Variants in ST6GALNAC3 observed in about 807,000 individuals in gnomAD.
The protein encoded by ST6GALNAC3 is alpha-N-acetylgalactosaminide alpha-2,6-sialyltransferase 3.
A neutral mutation model predicts 32.7 loss-of-function variants in ST6GALNAC3; 25 were observed. The ratio of observed to expected loss-of-function variants is 0.76; its 90% CI spans 0.56 to 1.07. ST6GALNAC3 has a LOEUF of 1.07. ST6GALNAC3 is among the 50% of genes least tolerant of loss of function. The pLI is 0.00. For synonymous variants in ST6GALNAC3, 129 were observed against 133.1 expected, an observed-to-expected ratio of 0.97 and a Z score of 0.21; for missense variants, 355 against 382.4, an observed-to-expected ratio of 0.93 and a Z score of 0.60.
At chr1:76,185,672 A>G (rs1377482344) in intron 1 of ST6GALNAC3, among the ~76,000 whole-genome samples, 2 of 152,152 alleles carry the variant, frequency 1.3e-5, no homozygotes, top group Non-Finnish European at 2.9e-5. Context: ...TGTTCTGTGC[A>G]TATACTGCCA....
intron 2 of ST6GALNAC3, among the ~76,000 whole-genome samples, chr1:76,360,692 T>C (rs1038007345): frequency 6.6e-6 from 1 of 152,230 alleles, no homozygotes; most frequent in African/African-American, 2.4e-5. Context: ...TTGCATGCTC[T>C]GCAGTATATT....
chr1:76,125,231 A>T (rs1649163500), intron 1 of ST6GALNAC3, among the ~76,000 whole-genome samples: 1 of 152,220 alleles, frequency 6.6e-6, no homozygotes, highest in Non-Finnish European at 1.5e-5. Flanking sequence ...GTCAAAGGTC[A>T]GTCAGTTTAA....
At chr1:76,569,450 C>G (rs1665738153) in intron 3 of ST6GALNAC3, among the ~76,000 whole-genome samples, 1 of 152,148 alleles carries the variant, frequency 6.6e-6, no homozygotes, top group Non-Finnish European at 1.5e-5. Flanking sequence ...GTTTGTCCTA[C>G]TGCAAAATTG....
chr1:76,279,036 C>G (rs1659347167), intron 1 of ST6GALNAC3, among the ~76,000 whole-genome samples: 3 of 152,160 alleles, frequency 2.0e-5, no homozygotes, highest in Admixed American at 2.0e-4. Context: ...ACATTTGATA[C>G]AACTTTATCC....
At chr1:76,106,705 A>G (rs1366185738) in intron 1 of ST6GALNAC3, among the ~76,000 whole-genome samples, 1 of 152,224 alleles carries the variant, frequency 6.6e-6, no homozygotes, top group East Asian at 1.9e-4. Flanking sequence ...CATGAGGGAC[A>G]TTAAGTTTTG....
chr1:76,109,802 T>C (rs1308712019), intron 1 of ST6GALNAC3, among the ~76,000 whole-genome samples: 1 of 152,240 alleles, frequency 6.6e-6, no homozygotes, highest in Non-Finnish European at 1.5e-5. Flanking sequence ...TCAGAACTGA[T>C]GAAGAAGGCT....
intron 1 of ST6GALNAC3, among the ~76,000 whole-genome samples, chr1:76,159,011 G>A (rs543184585): frequency 3.9e-5 from 6 of 152,234 alleles, no homozygotes; most frequent in African/African-American, 1.2e-4. Flanking sequence ...TGCCAGGGTC[G>A]TGTGGTTTCC....
At chr1:76,111,516 G>A (rs1647938556) in intron 1 of ST6GALNAC3, among the ~76,000 whole-genome samples, 1 of 151,396 alleles carries the variant, frequency 6.6e-6, no homozygotes, top group African/African-American at 2.4e-5. Context: ...CAGGACAATA[G>A]TGGAGGGAAG....
At chr1:76,169,990 C>A (rs1319632083) in intron 1 of ST6GALNAC3, among the ~76,000 whole-genome samples, 1 of 152,084 alleles carries the variant, frequency 6.6e-6, no homozygotes, top group Non-Finnish European at 1.5e-5. Context: ...TACCTTCAAT[C>A]TTTGAGGTTG....
At chr1:76,370,353 G>A (rs995069817) in intron 2 of ST6GALNAC3, among the ~76,000 whole-genome samples, 6 of 152,116 alleles carry the variant, frequency 3.9e-5, no homozygotes, top group Admixed American at 2.0e-4. Flanking sequence ...TAGAATTAGC[G>A]TAAACAGATA....
rs112602600 is a variant in ST6GALNAC3 at position 76,440,755 on chromosome 1, T to C, written c.623+28338T>C. ...CAATAATTGGGCAAAGAAGGCAAGA[T>C]AAAAAACGGATTTTTCTTCAGGATC... On this transcript the variant is annotated intron_variant, in intron 3 of 4. Transcript: ENST00000328299. 4.9e-3 allele frequency among the ~76,000 whole-genome samples: 746 copies of C among 152,232 alleles called. 10 individuals carry two copies. Among genetic ancestry groups the C allele is most frequent in the African/African-American group, 0.017 (709 of 41,540 alleles).
Position 76,105,128 on chromosome 1 carries a change from T to A in ST6GALNAC3, c.18+30244T>A, listed in dbSNP as rs540132198. ...TCTATCCACCTTACATTTTTATGAT[T>A]AAAAATTCCAAAAATTACAGAAGTG... On this transcript the variant is annotated intron_variant, in intron 1 of 4. Transcript: ENST00000328299. Among the ~76,000 whole-genome samples, 8 of 152,314 alleles carry A rather than the reference T, an allele frequency of 5.3e-5. No individual in the cohort carries two copies. The South Asian group carries it at 1.7e-3, about 32-fold the overall frequency.
At chr1:76,122,834 A>G (rs1301654216) in intron 1 of ST6GALNAC3, among the ~76,000 whole-genome samples, 1 of 152,150 alleles carries the variant, frequency 6.6e-6, no homozygotes, top group Non-Finnish European at 1.5e-5. Context: ...TGTTGTGCAT[A>G]TGCGGCATGC....
intron 3 of ST6GALNAC3, chr1:76,576,951 A>T: frequency 2.0e-5 from 26 of 1,287,264 alleles, no homozygotes; most frequent in Non-Finnish European, 2.6e-5. Context: ...AGAAAGAAAC[A>T]AACAAACAAA....
At chr1:76,449,841 TG>T (rs1286967477) in intron 3 of ST6GALNAC3, among the ~76,000 whole-genome samples, 1 of 152,174 alleles carries the variant, frequency 6.6e-6, no homozygotes, top group Non-Finnish European at 1.5e-5. Context: ...CAATAGGTTT[TG>T]GGGGAACAGG....
rs542979905 is a variant in ST6GALNAC3 at position 76,139,210 on chromosome 1, A to AT, written c.18+64326_18+64327insT. On this transcript the variant is annotated intron_variant, in intron 1 of 4. Coordinates refer to ENST00000328299, the MANE Select transcript of ST6GALNAC3 (RefSeq NM_152996.4). ...CTCCGTCTCAATGGAAAAAAAAAAA[A>AT]AAAATCTATGCACCTACACATACAT... Among the ~76,000 whole-genome samples the AT allele has an allele frequency of 3.6e-4, 53 of 147,776 alleles. 1 individual carries two copies. The highest frequency in any genetic ancestry group is 1.3e-3 in the African/African-American group (50 of 37,344).
rs550532957 is a variant in ST6GALNAC3, at chr1:76,441,102, A to T, written c.623+28685A>T. Among the ~76,000 whole-genome samples the T allele has an allele frequency of 2.8e-4, 43 of 151,754 alleles. 2 individuals are homozygous for T. The South Asian group carries it at 7.1e-3, about 25-fold the overall frequency. ...GACTATGTCTCCAAAAAAAAAAAAAAAAAAAATAAGAGAAAGCAACATAGA... is the reference window on the plus strand; with the variant it reads ...GACTATGTCTCCAAAAAAAAAAAAATAAAAAATAAGAGAAAGCAACATAGA... On this transcript the variant is annotated intron_variant, in intron 3 of 4. Coordinates refer to ENST00000328299, the MANE Select transcript of ST6GALNAC3 (RefSeq NM_152996.4).
rs1026363146 is a variant in ST6GALNAC3, at chr1:76,319,799, T to A, written c.213+5800T>A. ...AATTAACATATAATAAATCAAAACT[T>A]TGTGACTTTTTACCACCCTCCTCAT... is the stretch of plus-strand genomic sequence containing the variant. On this transcript the variant is annotated intron_variant, in intron 2 of 4. Transcript: ENST00000328299. Among the ~76,000 whole-genome samples, 67 of 152,166 alleles carry A rather than the reference T, an allele frequency of 4.4e-4. 1 individual carries two copies. Among genetic ancestry groups the A allele is most frequent in the Admixed American group, 2.2e-3 (33 of 15,266 alleles).
chr1:76,541,305 G>C (rs1663975151), intron 3 of ST6GALNAC3, among the ~76,000 whole-genome samples: 1 of 152,126 alleles, frequency 6.6e-6, no homozygotes, highest in Non-Finnish European at 1.5e-5. Flanking sequence ...CCAAGGGTCA[G>C]AGAGAACAGT....
Sources: gnomAD v4.1 joint callset for allele counts (sites outside exome capture counted in the v4.1 genomes callset) on GRCh38, gnomAD v4.1.1 for gene constraint, MANE v1.5 for transcripts, NCBI Gene and HGNC (gene_info 2026-07-23, HGNC 2026-07-21) for gene names.